PCDH15: variants seen among roughly 807,000 people sequenced by gnomAD.
PCDH15 encodes the protein protocadherin related 15, also known as protocadherin-15.
Under a neutral mutation model 178.5 loss-of-function variants are expected in PCDH15, and 129 were observed. The observed-to-expected ratio is 0.72, with a 90% CI of 0.63 to 0.84. The LOEUF (loss-of-function observed/expected upper bound fraction) is 0.84. PCDH15 is among the 40% of genes least tolerant of loss of function. PCDH15 has a pLI of 0.00. For missense variants in PCDH15, 2,230 were observed against 2,099.9 expected (o/e 1.06, Z -1.21); for synonymous variants, 800 against 732.0 (o/e 1.09, Z -1.50).
At chr10:55,225,324 C>G (rs1009185628) in intron 1 of PCDH15, among the ~76,000 whole-genome samples, 8 of 151,954 alleles carry the variant, frequency 5.3e-5, no homozygotes, top group Non-Finnish European at 8.8e-5. Flanking sequence ...TTTCTGTAAC[C>G]TAAGCTTTTA....
chr10:55,602,181 G>C (rs756483247), intron 2 of PCDH15, among the ~76,000 whole-genome samples: 6 of 152,108 alleles, frequency 3.9e-5, no homozygotes, highest in Non-Finnish European at 7.4e-5. Flanking sequence ...TTTTCCAACC[G>C]GCGTAAAAAA....
At chr10:55,034,818 T>C (rs1046884443) in intron 2 of PCDH15, among the ~76,000 whole-genome samples, 17 of 152,208 alleles carry the variant, frequency 1.1e-4, no homozygotes, top group African/African-American at 4.1e-4. Context: ...ATTGCAATTA[T>C]TGTATTTATA....
intron 8 of PCDH15, among the ~76,000 whole-genome samples, chr10:54,306,974 G>C (rs1420230004): frequency 7.1e-6 from 1 of 140,126 alleles, no homozygotes; most frequent in East Asian, 2.2e-4. Flanking sequence ...ATGTAGGCCA[G>C]AGTCATTTGG....
At chr10:55,494,836 C>G (rs543561108) in intron 2 of PCDH15, among the ~76,000 whole-genome samples, 76 of 151,732 alleles carry the variant, frequency 5.0e-4, no homozygotes, top group Non-Finnish European at 9.6e-4. Context: ...AAAACAAAAC[C>G]AAAGTTGGAG....
chr10:55,519,093 C>CAAAA (rs33942260), intron 2 of PCDH15, among the ~76,000 whole-genome samples: 713 of 65,418 alleles, frequency 0.011, no homozygotes, highest in Non-Finnish European at 0.015. Context: ...GATTTCGTCT[C>CAAAA]AAAAAAAAAA....
chr10:53,934,215 T>A (rs1428436942), intron 25 of PCDH15, among the ~76,000 whole-genome samples: 1 of 152,044 alleles, frequency 6.6e-6, no homozygotes, highest in Non-Finnish European at 1.5e-5. Flanking sequence ...AGAGGAGGGA[T>A]AGAACTTTGG....
chr10:53,831,024 C>G (rs1588986433), intron 30 of PCDH15: 1 of 573,218 alleles, frequency 1.7e-6, no homozygotes, highest in East Asian at 3.6e-5. Context: ...CAAGTTGGCT[C>G]TTAAACAAAA....
intron 1 of PCDH15, among the ~76,000 whole-genome samples, chr10:54,787,145 T>C (rs1445270208): frequency 6.6e-6 from 1 of 151,944 alleles, no homozygotes. Flanking sequence ...AGTTAATTGG[T>C]TCATTAATTA....
In PCDH15 at chr10:54,199,031, CAA is replaced by C. The variant is rs2049971935; in HGVS notation, c.1099-3144_1099-3143del. ...ATATGTATTATTTGCATGATGAAAA[CAA>C]AGTGATTCAATGAAAAGAGAAATAA... is the stretch of plus-strand genomic sequence containing the variant. On this transcript the variant is annotated intron_variant, in intron 10 of 37. Transcript: ENST00000644397. Among the ~76,000 whole-genome samples, 4 of 152,176 alleles carry C rather than the reference CAA, an allele frequency of 2.6e-5. No homozygotes were observed. In the South Asian group the frequency reaches 8.3e-4, roughly 31 times the overall value.
At chr10:54,787,813 G>A (rs889238856) in intron 1 of PCDH15, among the ~76,000 whole-genome samples, 3 of 151,940 alleles carry the variant, frequency 2.0e-5, no homozygotes, top group South Asian at 2.1e-4. Flanking sequence ...TAAGTTCAGC[G>A]AAGCTTGTAG....
chr10:53,934,688 A>AAATTCCCATTTCTACATGCTTT (rs1246470023), intron 25 of PCDH15, among the ~76,000 whole-genome samples: 13 of 152,218 alleles, frequency 8.5e-5, no homozygotes, highest in Admixed American at 2.0e-4. Context: ...CAAATGCTAT[A>AAATTCCCATTTCTACATGCTTT]AATTCCCATT....
chr10:55,038,376 C>T (rs1466345857), intron 2 of PCDH15, among the ~76,000 whole-genome samples: 1 of 151,970 alleles, frequency 6.6e-6, no homozygotes, highest in Non-Finnish European at 1.5e-5. Flanking sequence ...AATCTTAGTT[C>T]CTATTTTGAT....
intron 24 of PCDH15, among the ~76,000 whole-genome samples, chr10:53,939,364 T>G (rs1424007625): frequency 1.3e-5 from 2 of 152,234 alleles, no homozygotes; most frequent in East Asian, 1.9e-4. Flanking sequence ...CTTACTGGAT[T>G]ATTATACTCT....
At position 55,444,633 on chromosome 10, in the gene PCDH15, C is replaced by A. The variant is rs946999144; in HGVS notation, c.-156+182992G>T. 5.0e-4 allele frequency among the ~76,000 whole-genome samples: 76 copies of A among 151,796 alleles called. 4 individuals are homozygous for A. Among genetic ancestry groups the A allele is most frequent in the Non-Finnish European group, 8.8e-5 (6 of 67,938 alleles). ...TAATAAAGTAAAACAAAGAAATTGCCAAAGTTTATTAGAAATTAGAATCTC... is the reference window on the plus strand; with the variant it reads ...TAATAAAGTAAAACAAAGAAATTGCAAAAGTTTATTAGAAATTAGAATCTC... On this transcript the variant is annotated intron_variant, in intron 2 of 5. Coordinates refer to the PCDH15 transcript ENST00000613346.
chr10:55,448,376 C>A (rs1839362936), intron 2 of PCDH15, among the ~76,000 whole-genome samples: 1 of 151,910 alleles, frequency 6.6e-6, no homozygotes, highest in Admixed American at 6.6e-5. Context: ...CCTATATTTT[C>A]AAAGTACAAT....
chr10:55,200,371 C>T (rs956399483), intron 1 of PCDH15, among the ~76,000 whole-genome samples: 10 of 152,044 alleles, frequency 6.6e-5, no homozygotes, highest in Admixed American at 6.6e-4. Flanking sequence ...TTTATTTGGG[C>T]CAATTTCTCC....
chr10:54,450,321 G>C (rs867942365), intron 3 of PCDH15, among the ~76,000 whole-genome samples: 1 of 151,146 alleles, frequency 6.6e-6, no homozygotes, highest in Non-Finnish European at 1.5e-5. Flanking sequence ...GTTGCAAAAG[G>C]CATTGAAGAT....
chr10:54,269,127 T>C (rs1227677516), intron 8 of PCDH15, among the ~76,000 whole-genome samples: 1 of 151,970 alleles, frequency 6.6e-6, no homozygotes, highest in African/African-American at 2.4e-5. Flanking sequence ...CTGGAGAATA[T>C]ATATGAAACA....
chr10:54,796,258 C>CTATCTGTCTATGTATCTATG (rs1951968288), intron 1 of PCDH15, among the ~76,000 whole-genome samples: 1 of 107,452 alleles, frequency 9.3e-6, no homozygotes, highest in African/African-American at 4.1e-5. Context: ...ATCTATCTAT[C>CTATCTGTCTATGTATCTATG]TATCTATCTA....
Sources: allele counts gnomAD v4.1 joint callset (sites outside exome capture counted in the v4.1 genomes callset), GRCh38; gene constraint gnomAD v4.1.1; transcripts MANE v1.5; gene names NCBI Gene and HGNC (gene_info 2026-07-23, HGNC 2026-07-21).